The following PPM1L variants were observed in gnomAD, a reference collection of about 807,000 sequenced individuals.
PPM1L encodes protein phosphatase, Mg2+/Mn2+ dependent 1L.
A neutral mutation model predicts 31.4 loss-of-function variants in PPM1L; 13 were observed. That is an observed-to-expected ratio of 0.41 (90% CI 0.27 to 0.66). The LOEUF (loss-of-function observed/expected upper bound fraction) is 0.66, where lower values mean the gene tolerates loss of function less well. Ranked by LOEUF, PPM1L falls within the 30% of genes least tolerant of loss-of-function variation. The pLI is 0.29. For synonymous variants in PPM1L, 184 were observed against 175.4 expected, an observed-to-expected ratio of 1.05 and a Z score of -0.39; for missense variants, 326 against 453.7, an observed-to-expected ratio of 0.72 and a Z score of 2.56.
intron 1 of PPM1L, among the ~76,000 whole-genome samples, chr3:160,952,721 C>T: frequency 6.6e-6 from 1 of 152,210 alleles, no homozygotes; most frequent in East Asian, 1.9e-4. Flanking sequence ...GTGCAAAGAT[C>T]AGCCCTTTTG....
chr3:160,892,308 A>AAC (rs1713180279), intron 1 of PPM1L, among the ~76,000 whole-genome samples: 1 of 152,088 alleles, frequency 6.6e-6, no homozygotes, highest in Non-Finnish European at 1.5e-5. Context: ...GGCACATCAC[A>AAC]TGGCGAGAGC....
At chr3:160,846,931 G>C (rs967004150) in intron 1 of PPM1L, among the ~76,000 whole-genome samples, 6 of 152,004 alleles carry the variant, frequency 3.9e-5, no homozygotes, top group Non-Finnish European at 5.9e-5. Flanking sequence ...TTTACAGTAA[G>C]AGACTCATTA....
At chr3:160,935,729 G>A (rs1714948387) in intron 1 of PPM1L, among the ~76,000 whole-genome samples, 1 of 152,188 alleles carries the variant, frequency 6.6e-6, no homozygotes, top group Admixed American at 6.5e-5. Context: ...TTAACTCGTT[G>A]ATATTTAATT....
At chr3:160,824,112 G>A (rs1460467896) in intron 1 of PPM1L, among the ~76,000 whole-genome samples, 1 of 152,134 alleles carries the variant, frequency 6.6e-6, no homozygotes, top group East Asian at 1.9e-4. Flanking sequence ...GGTATTTGGA[G>A]GCGGGACCCT....
At chr3:161,027,664 C>T (rs995893207) in intron 2 of PPM1L, among the ~76,000 whole-genome samples, 3 of 152,156 alleles carry the variant, frequency 2.0e-5, no homozygotes, top group African/African-American at 4.8e-5. Context: ...ATTCAAGATG[C>T]GATTTGGGTG....
intron 1 of PPM1L, among the ~76,000 whole-genome samples, chr3:160,920,639 T>TCACACACA (rs1224798497): frequency 1.4e-4 from 9 of 63,316 alleles, no homozygotes; most frequent in Non-Finnish European, 3.2e-4. Context: ...ACACACACAC[T>TCACACACA]CACACACACA....
chr3:160,958,608 T>TA (rs1399178176), intron 1 of PPM1L, among the ~76,000 whole-genome samples: 3 of 152,244 alleles, frequency 2.0e-5, no homozygotes, highest in Admixed American at 1.3e-4. Context: ...TACAATTATA[T>TA]ATGTTGCACA....
chr3:161,046,304 T>C (rs1719067193), intron 2 of PPM1L, among the ~76,000 whole-genome samples: 1 of 151,888 alleles, frequency 6.6e-6, no homozygotes, highest in African/African-American at 2.4e-5. Context: ...GAGAATACTA[T>C]AAACACCTCT....
At chr3:160,794,061 C>T (rs1400973850) in intron 1 of PPM1L, among the ~76,000 whole-genome samples, 1 of 147,594 alleles carries the variant, frequency 6.8e-6, no homozygotes, top group Non-Finnish European at 1.5e-5. Flanking sequence ...TACATGACTG[C>T]TCCCTCACCG....
chr3:161,035,486 T>C (rs191228825), intron 2 of PPM1L, among the ~76,000 whole-genome samples: 2 of 152,340 alleles, frequency 1.3e-5, no homozygotes, highest in East Asian at 3.9e-4. Context: ...CTGTGCCTCA[T>C]TGTTTGAAGT....
intron 1 of PPM1L, among the ~76,000 whole-genome samples, chr3:160,957,681 A>G (rs1036532982): frequency 6.8e-6 from 1 of 146,054 alleles, no homozygotes. Context: ...AGGTTCACCC[A>G]TTCTCCTGCC....
intron 1 of PPM1L, among the ~76,000 whole-genome samples, chr3:160,849,851 C>T (rs544134393): frequency 2.0e-5 from 3 of 152,248 alleles, no homozygotes; most frequent in Admixed American, 6.5e-5. Flanking sequence ...GGCTGGAATC[C>T]GGGGATGATT....
chr3:160,987,534 G>A (rs927468549), intron 2 of PPM1L, among the ~76,000 whole-genome samples: 4 of 152,198 alleles, frequency 2.6e-5, no homozygotes, highest in African/African-American at 9.6e-5. Context: ...TATATACAGG[G>A]AATATGATCA....
At chr3:160,899,619 G>C (rs183354029) in intron 1 of PPM1L, among the ~76,000 whole-genome samples, 1 of 152,114 alleles carries the variant, frequency 6.6e-6, no homozygotes, top group Admixed American at 6.6e-5. Flanking sequence ...AGTAACTTTA[G>C]TTTTAATTTT....
intron 2 of PPM1L, among the ~76,000 whole-genome samples, chr3:161,001,902 A>G (rs1717495388): frequency 6.6e-6 from 1 of 152,060 alleles, no homozygotes; most frequent in Non-Finnish European, 1.5e-5. Context: ...TTAGTTACAT[A>G]TGTATACATG....
chr3:160,835,605 A>G (rs188133549), intron 1 of PPM1L, among the ~76,000 whole-genome samples: 53 of 151,904 alleles, frequency 3.5e-4, no homozygotes, highest in Non-Finnish European at 5.7e-4. Flanking sequence ...GTACCTTCTT[A>G]CCAACCGATC....
chr3:160,853,255 T>A (rs1353008845), intron 1 of PPM1L, among the ~76,000 whole-genome samples: 4 of 152,220 alleles, frequency 2.6e-5, no homozygotes, highest in Non-Finnish European at 4.4e-5. Context: ...TTCTGGAGAT[T>A]AGGACATATA....
chr3:160,920,639 TCA>T (rs1224798497), intron 1 of PPM1L, among the ~76,000 whole-genome samples: 131 of 63,368 alleles, frequency 2.1e-3, no homozygotes, highest in South Asian at 0.016. Flanking sequence ...ACACACACAC[TCA>T]CACACACACA....
intron 1 of PPM1L, among the ~76,000 whole-genome samples, chr3:160,787,503 T>C (rs756251534): frequency 3.9e-5 from 6 of 152,204 alleles, no homozygotes; most frequent in Non-Finnish European, 7.3e-5. Flanking sequence ...TAGACCTTTA[T>C]TGGATGTGTA....
Sources: allele counts gnomAD v4.1 joint callset (sites outside exome capture counted in the v4.1 genomes callset), GRCh38; gene constraint gnomAD v4.1.1; transcripts MANE v1.5; gene names NCBI Gene and HGNC (gene_info 2026-07-23, HGNC 2026-07-21).